The following FHIT variants were observed in gnomAD, a reference collection of about 807,000 sequenced individuals.
FHIT encodes bis(5'-adenosyl)-triphosphatase.
FHIT carries 19 observed loss-of-function variants against 17.9 expected under a neutral mutation model. The ratio of observed to expected loss-of-function variants is 1.06; its 90% CI spans 0.74 to 1.56. The LOEUF (loss-of-function observed/expected upper bound fraction) is 1.56, where lower values mean the gene tolerates loss of function less well. FHIT is among the 40% of genes most tolerant of loss of function. The pLI is 0.00. For missense variants in FHIT, 248 were observed against 189.2 expected (o/e 1.31, Z -1.82); for synonymous variants, 81 against 69.7 (o/e 1.16, Z -0.81).
intron 8 of FHIT, among the ~76,000 whole-genome samples, chr3:59,781,509 C>G (rs1268903453): frequency 6.6e-6 from 1 of 152,124 alleles, no homozygotes; most frequent in African/African-American, 2.4e-5. Context: ...CAACTTCTAC[C>G]AAGTTACGAA....
intron 5 of FHIT, among the ~76,000 whole-genome samples, chr3:60,328,912 C>A (rs1426800606): frequency 6.6e-6 from 1 of 152,132 alleles, no homozygotes; most frequent in Non-Finnish European, 1.5e-5. Context: ...TATAAGGTAA[C>A]ACACTGATGG....
intron 5 of FHIT, among the ~76,000 whole-genome samples, chr3:60,086,578 C>G (rs1232856867): frequency 6.6e-6 from 1 of 152,176 alleles, no homozygotes; most frequent in African/African-American, 2.4e-5. Flanking sequence ...TTCATGGGCA[C>G]TGGGTAAACA....
chr3:60,862,917 T>C (rs185674668), intron 3 of FHIT, among the ~76,000 whole-genome samples: 2 of 151,654 alleles, frequency 1.3e-5, no homozygotes, highest in Admixed American at 6.6e-5. Flanking sequence ...GGTGCTGCCA[T>C]GAAGAGACTT....
chr3:60,833,192 T>C (rs924449919), intron 3 of FHIT, among the ~76,000 whole-genome samples: 24 of 152,288 alleles, frequency 1.6e-4, no homozygotes, highest in African/African-American at 5.8e-4. Context: ...TTCATCATTA[T>C]ACCCATCCTC....
intron 3 of FHIT, among the ~76,000 whole-genome samples, chr3:61,036,479 C>T (rs541520311): frequency 6.6e-6 from 1 of 152,264 alleles, no homozygotes. Flanking sequence ...TTCCTCTTAT[C>T]ATTGAAGGGG....
chr3:60,048,971 G>C (rs966609775), intron 5 of FHIT, among the ~76,000 whole-genome samples: 3 of 152,128 alleles, frequency 2.0e-5, no homozygotes, highest in Admixed American at 2.0e-4. Context: ...TGAGTGTCTA[G>C]AACTGAGTTG....
At chr3:60,391,902 G>A (rs1701246953) in intron 5 of FHIT, among the ~76,000 whole-genome samples, 1 of 151,578 alleles carries the variant, frequency 6.6e-6, no homozygotes, top group South Asian at 2.1e-4. Context: ...ATTAACTCTT[G>A]GCTGGTGCCT....
At chr3:60,976,649 A>G (rs1710267853) in intron 3 of FHIT, among the ~76,000 whole-genome samples, 2 of 152,150 alleles carry the variant, frequency 1.3e-5, no homozygotes, top group Admixed American at 1.3e-4. Flanking sequence ...TTCTTAATGA[A>G]CCCTTGAGAA....
intron 4 of FHIT, among the ~76,000 whole-genome samples, chr3:60,793,602 C>A (rs1266469222): frequency 6.6e-6 from 1 of 152,206 alleles, no homozygotes; most frequent in African/African-American, 2.4e-5. Flanking sequence ...AGCGCCCAGA[C>A]AAACAAGCGG....
intron 5 of FHIT, among the ~76,000 whole-genome samples, chr3:60,225,136 C>T (rs1353012040): frequency 6.6e-6 from 1 of 152,158 alleles, no homozygotes; most frequent in Non-Finnish European, 1.5e-5. Flanking sequence ...GTTCGTCTCT[C>T]TTACAGAAAT....
intron 7 of FHIT, among the ~76,000 whole-genome samples, chr3:59,937,191 A>T (rs2107253142): frequency 6.6e-6 from 1 of 152,328 alleles, no homozygotes; most frequent in East Asian, 1.9e-4. Flanking sequence ...TAATCTTTGC[A>T]AATTGTGTTC....
At chr3:60,714,493 T>C (rs2107945588) in intron 4 of FHIT, among the ~76,000 whole-genome samples, 1 of 152,304 alleles carries the variant, frequency 6.6e-6, no homozygotes, top group African/African-American at 2.4e-5. Flanking sequence ...GAAGTCAAAT[T>C]GTTCCTGTTT....
intron 2 of FHIT, among the ~76,000 whole-genome samples, chr3:61,086,891 G>A (rs2035322637): frequency 1.3e-5 from 2 of 152,026 alleles, no homozygotes; most frequent in South Asian, 4.1e-4. Context: ...TAAGATTCTA[G>A]TGATACAGAC....
intron 4 of FHIT, among the ~76,000 whole-genome samples, chr3:60,740,605 G>A (rs782620296): frequency 6.6e-5 from 10 of 152,104 alleles, no homozygotes; most frequent in Non-Finnish European, 1.3e-4. Context: ...AGTGGCATTA[G>A]GTACATTCAT....
At chr3:61,089,906 A>G (rs968580916) in intron 2 of FHIT, among the ~76,000 whole-genome samples, 6 of 152,348 alleles carry the variant, frequency 3.9e-5, no homozygotes, top group East Asian at 1.9e-4. Context: ...TCAAGTATAA[A>G]TGGAATATTC....
At chr3:61,079,184 T>C (rs1397696047) in intron 2 of FHIT, among the ~76,000 whole-genome samples, 1 of 152,190 alleles carries the variant, frequency 6.6e-6, no homozygotes, top group African/African-American at 2.4e-5. Flanking sequence ...GCTAGCAAGT[T>C]GTACAACTGA....
intron 5 of FHIT, among the ~76,000 whole-genome samples, chr3:60,411,239 C>T (rs1702048999): frequency 6.6e-6 from 1 of 152,096 alleles, no homozygotes; most frequent in Non-Finnish European, 1.5e-5. Flanking sequence ...ACTTGGGTCT[C>T]CCCAGTCTGT....
intron 4 of FHIT, among the ~76,000 whole-genome samples, chr3:60,802,889 A>G (rs1553732761): frequency 6.6e-6 from 1 of 152,196 alleles, no homozygotes; most frequent in African/African-American, 2.4e-5. Flanking sequence ...ATCTTTCCTG[A>G]ATCTTCAAAA....
At chr3:60,659,104 G>T (rs536375918) in intron 4 of FHIT, among the ~76,000 whole-genome samples, 1 of 151,802 alleles carries the variant, frequency 6.6e-6, no homozygotes, top group Admixed American at 6.6e-5. Flanking sequence ...TCAGCCCATT[G>T]CATTCTGGAC....
Sources: gnomAD v4.1 joint callset for allele counts (sites outside exome capture counted in the v4.1 genomes callset) on GRCh38, gnomAD v4.1.1 for gene constraint, MANE v1.5 for transcripts, NCBI Gene and HGNC (gene_info 2026-07-23, HGNC 2026-07-21) for gene names.